Variants in MAP3K5 observed in about 807,000 individuals in gnomAD.
MAP3K5 encodes mitogen-activated protein kinase kinase kinase 5.
Under a neutral mutation model 158.7 loss-of-function variants are expected in MAP3K5, and 56 were observed. That is an observed-to-expected ratio of 0.35 (90% confidence interval 0.28 to 0.44). The LOEUF is 0.44. MAP3K5 is among the 20% of genes least tolerant of loss of function. The probability of loss-of-function intolerance (pLI) is 1.00; values close to 1 mark genes in which losing one functional copy is unlikely to be tolerated. For synonymous variants in MAP3K5, 579 were observed against 601.7 expected, an observed-to-expected ratio of 0.96 and a Z score of 0.55; for missense variants, 1,294 against 1,674.8, an observed-to-expected ratio of 0.77 and a Z score of 3.97.
At chr6:136,713,513 G>A (rs1175119374) in intron 2 of MAP3K5, among the ~76,000 whole-genome samples, 2 of 152,120 alleles carry the variant, frequency 1.3e-5, no homozygotes, top group East Asian at 1.9e-4. Flanking sequence ...TTCTACAATT[G>A]GGAAGTCAAC....
intron 7 of MAP3K5, among the ~76,000 whole-genome samples, chr6:136,686,280 A>G (rs1386730837): frequency 1.3e-5 from 2 of 152,210 alleles, no homozygotes; most frequent in African/African-American, 4.8e-5. Context: ...TCTCAAAATA[A>G]TAAGAGGTAT....
At chr6:136,711,664 A>C (rs1692984362) in intron 2 of MAP3K5, among the ~76,000 whole-genome samples, 2 of 113,238 alleles carry the variant, frequency 1.8e-5, no homozygotes, top group Non-Finnish European at 3.8e-5. Flanking sequence ...CAGACCTCTC[A>C]AAAAAAAAAA....
chr6:136,561,954 A>G (rs1042132556), intron 27 of MAP3K5, among the ~76,000 whole-genome samples: 35 of 152,230 alleles, frequency 2.3e-4, no homozygotes, highest in African/African-American at 8.2e-4. Context: ...TTCATGCAAT[A>G]AAGATGAATA....
In MAP3K5 at chr6:136,630,919, G is replaced by A. The variant is rs116762155; in HGVS notation, c.2016+6406C>T. ...CCAAGGCAGCAGCTTAGGCAACATG[G>A]TGAAACCCTGTCTCTATAAAAAGCA... is the stretch of plus-strand genomic sequence containing the variant. On this transcript the variant is annotated intron_variant, in intron 14 of 29. Coordinates refer to ENST00000359015, the MANE Select transcript of MAP3K5 (RefSeq NM_005923.4). 8.4e-3 allele frequency among the ~76,000 whole-genome samples: 1,277 copies of A among 152,198 alleles called. 17 individuals are homozygous for A. The highest frequency in any genetic ancestry group is 0.03 in the African/African-American group (1,235 of 41,530).
At chr6:136,557,973 T>G (rs1270793110) in intron 29 of MAP3K5, among the ~76,000 whole-genome samples, 155 bp from the exon 30 acceptor site, 1 of 152,254 alleles carries the variant, frequency 6.6e-6, no homozygotes, top group African/African-American at 2.4e-5. Context: ...ATATTTTTTC[T>G]CATCTTCCCT....
chr6:136,717,400 G>A (rs1014295069), intron 2 of MAP3K5, among the ~76,000 whole-genome samples: 6 of 152,110 alleles, frequency 3.9e-5, no homozygotes, highest in African/African-American at 1.4e-4. Flanking sequence ...TGCCACCAAA[G>A]AGAAACTGCA....
At chr6:136,674,620 A>C (rs781464435) in intron 7 of MAP3K5, among the ~76,000 whole-genome samples, 4 of 152,090 alleles carry the variant, frequency 2.6e-5, no homozygotes, top group Non-Finnish European at 2.9e-5. Flanking sequence ...CAGTTGCCAC[A>C]TTAAATGTAA....
Position 136,557,480 on chromosome 6 carries a change from A to G in MAP3K5, c.*278T>C, listed in dbSNP as rs1031582111. ...TAGCTGCTGCATTAAAAATATTTCC[A>G]TAAAAATGCTTAGATTAAAATCTTC... On this transcript the variant is annotated 3_prime_UTR_variant, in exon 30 of 30. Coordinates refer to ENST00000359015, the MANE Select transcript of MAP3K5 (RefSeq NM_005923.4). 1 of 298,214 alleles carries G rather than the reference A, an allele frequency of 3.4e-6. No homozygotes were observed. The highest frequency in any genetic ancestry group is 6.2e-6 in the Non-Finnish European group (1 of 161,234). The allele number at this position is 298,214 out of a possible 1,614,324, so 18.5% of individuals were successfully genotyped here.
intron 14 of MAP3K5, among the ~76,000 whole-genome samples, chr6:136,628,146 CTG>C (rs1777131767): frequency 6.6e-6 from 1 of 150,660 alleles, no homozygotes; most frequent in Non-Finnish European, 1.5e-5. Context: ...GTGTTTTGCT[CTG>C]TCGCCTAGGC....
intron 8 of MAP3K5, among the ~76,000 whole-genome samples, chr6:136,660,396 ATTT>A (rs1171118539): frequency 6.6e-6 from 1 of 152,100 alleles, no homozygotes; most frequent in African/African-American, 2.4e-5. Flanking sequence ...ATGAAAAAAA[ATTT>A]AAAATCTAAA....
At chr6:136,635,661 G>A (rs965021555) in intron 14 of MAP3K5, among the ~76,000 whole-genome samples, 8 of 149,720 alleles carry the variant, frequency 5.3e-5, no homozygotes, top group Middle Eastern at 3.5e-3. Flanking sequence ...GCCGAAGAGG[G>A]AGAACTGCTT....
At chr6:136,730,161 T>TTG (rs1782152647) in intron 1 of MAP3K5, among the ~76,000 whole-genome samples, 1 of 139,208 alleles carries the variant, frequency 7.2e-6, no homozygotes, top group African/African-American at 3.2e-5. Context: ...TTGTTTTTTT[T>TTG]TTTTTGTTTT....
At chr6:136,737,032 T>G (rs2114855768) in intron 1 of MAP3K5, among the ~76,000 whole-genome samples, 1 of 113,448 alleles carries the variant, frequency 8.8e-6, no homozygotes, top group South Asian at 2.8e-4. Flanking sequence ...TATATATATG[T>G]GTGTGTATAT....
intron 11 of MAP3K5, among the ~76,000 whole-genome samples, chr6:136,645,672 A>G (rs1778219460): frequency 6.6e-6 from 1 of 152,222 alleles, no homozygotes; most frequent in African/African-American, 2.4e-5. Context: ...GAGAACTGTT[A>G]AAAGATCGGG....
chr6:136,585,113 T>G (rs1024930830), intron 23 of MAP3K5, among the ~76,000 whole-genome samples: 2 of 121,322 alleles, frequency 1.6e-5, no homozygotes, highest in Non-Finnish European at 3.9e-5. Context: ...TTGTTTTTTT[T>G]TTTTTGTTTT....
At chr6:136,720,332 C>G (rs1562643363) in intron 2 of MAP3K5, 118 bp downstream of exon 2, 1 of 982,152 alleles carries the variant, frequency 1.0e-6, no homozygotes. Context: ...TTGATGCATA[C>G]TAACCAAACA....
intron 21 of MAP3K5, among the ~76,000 whole-genome samples, chr6:136,595,935 A>C (rs960358333): frequency 3.3e-5 from 5 of 152,086 alleles, no homozygotes; most frequent in African/African-American, 1.2e-4. Context: ...GCTTGAACCC[A>C]GGAGGCGGAA....
At chr6:136,560,098 G>A (rs1288810107) in intron 28 of MAP3K5, among the ~76,000 whole-genome samples, 1 of 152,004 alleles carries the variant, frequency 6.6e-6, no homozygotes, top group Non-Finnish European at 1.5e-5. Context: ...TGTATTAAGA[G>A]GGTCTTTCTA....
chr6:136,683,682 G>T (rs1780028921), intron 7 of MAP3K5, among the ~76,000 whole-genome samples: 1 of 152,054 alleles, frequency 6.6e-6, no homozygotes, highest in African/African-American at 2.4e-5. Context: ...AGGGTAATTT[G>T]CCCAAGATCA....
Sources: gnomAD v4.1 joint callset for allele counts (sites outside exome capture counted in the v4.1 genomes callset) on GRCh38, gnomAD v4.1.1 for gene constraint, MANE v1.5 for transcripts, NCBI Gene and HGNC (gene_info 2026-07-23, HGNC 2026-07-21) for gene names.